The following LNPK variants were observed in gnomAD, a reference collection of about 807,000 sequenced individuals.
LNPK encodes the protein lunapark, ER junction formation factor.
LNPK carries 29 observed loss-of-function variants against 55.2 expected under a neutral mutation model. The ratio of observed to expected loss-of-function variants is 0.53; its 90% CI spans 0.39 to 0.72. The LOEUF is 0.72. Ranked by LOEUF, LNPK falls within the 30% of genes least tolerant of loss-of-function variation. LNPK has a pLI of 0.00. For synonymous variants in LNPK, 162 were observed against 168.2 expected, an observed-to-expected ratio of 0.96 and a Z score of 0.29; for missense variants, 467 against 494.8, an observed-to-expected ratio of 0.94 and a Z score of 0.53.
Position 175,924,378 on chromosome 2 carries a change from TAAG to T in LNPK, c.*5586_*5588del, listed in dbSNP as rs1368578488. 1 of 152,196 alleles carries T rather than the reference TAAG, an allele frequency of 6.6e-6. No homozygotes were observed. Among genetic ancestry groups the T allele is most frequent in the African/African-American group, 2.4e-5 (1 of 41,456 alleles). The allele number at this position is 152,196 out of a possible 1,614,324, so 9.4% of individuals were successfully genotyped here. On this transcript the variant is annotated 3_prime_UTR_variant, in exon 13 of 13. Transcript: ENST00000272748. ...CAGGTAATATTGTAAAGTAATATTG[TAAG>T]AAGAAAGTTTTAAGACGATTAAGTA... is the stretch of plus-strand genomic sequence containing the variant.
chr2:175,929,480 A>G lies in LNPK; in HGVS notation c.*487T>C, dbSNP rs1188760595. Reference sequence around the variant, plus strand: ...TAACAACTTTCATACCGCTTAATGTAAACACCTAAATAGACATTTCTCCCA... The same window carrying G: ...TAACAACTTTCATACCGCTTAATGTGAACACCTAAATAGACATTTCTCCCA... On this transcript the variant is annotated 3_prime_UTR_variant, in exon 13 of 13. Coordinates refer to ENST00000272748, the MANE Select transcript of LNPK (RefSeq NM_030650.3). 7 of 990,110 alleles carry G rather than the reference A, an allele frequency of 7.1e-6. No individual in the cohort carries two copies. The highest frequency in any genetic ancestry group is 8.4e-6 in the Non-Finnish European group (7 of 832,898). The allele number at this position is 990,110 out of a possible 1,614,324, so 61.3% of individuals were successfully genotyped here.
At chr2:175,933,644 C>T (rs900109346) in intron 12 of LNPK, among the ~76,000 whole-genome samples, 2 of 152,024 alleles carry the variant, frequency 1.3e-5, no homozygotes, top group South Asian at 4.2e-4. Context: ...TAAATTATAA[C>T]CACTCATAAT....
At chr2:175,971,397 G>A (rs1354875092) in intron 5 of LNPK, among the ~76,000 whole-genome samples, 2 of 152,074 alleles carry the variant, frequency 1.3e-5, no homozygotes, top group Non-Finnish European at 2.9e-5. Context: ...AATCACCTCA[G>A]AGGATATCTT....
intron 4 of LNPK, among the ~76,000 whole-genome samples, chr2:175,985,637 G>A (rs929706642): frequency 2.6e-5 from 4 of 152,030 alleles, no homozygotes; most frequent in African/African-American, 4.8e-5. Context: ...GACCCCCAGT[G>A]GATGCCTGAA....
chr2:175,951,993 T>C (rs535691203), intron 8 of LNPK, among the ~76,000 whole-genome samples: 2 of 152,152 alleles, frequency 1.3e-5, no homozygotes, highest in East Asian at 1.9e-4. Flanking sequence ...ATTAGTGATG[T>C]TGAGCATTTT....
At chr2:175,932,998 T>A (rs1309553540) in intron 12 of LNPK, among the ~76,000 whole-genome samples, 2 of 152,052 alleles carry the variant, frequency 1.3e-5, no homozygotes, top group Admixed American at 1.3e-4. Flanking sequence ...ATTACCTGAA[T>A]GACCTAATTC....
intron 8 of LNPK, among the ~76,000 whole-genome samples, chr2:175,952,310 A>C (rs1290025817): frequency 6.6e-6 from 1 of 151,956 alleles, no homozygotes; most frequent in African/African-American, 2.4e-5. Context: ...GCAAATGTGG[A>C]AACTCTTAGG....
chr2:175,981,972 T>C lies in LNPK; in HGVS notation c.258-2104A>G, dbSNP rs75495574. ...ACACTTTTTTTTAATATTGTGATGA[T>C]TTATTTTTGTGACATGAAAACACCA... On this transcript the variant is annotated intron_variant, in intron 4 of 12. Transcript: ENST00000272748. Among the ~76,000 whole-genome samples the C allele has an allele frequency of 5.6e-3, 849 of 152,292 alleles. 7 individuals carry two copies. Among genetic ancestry groups the C allele is most frequent in the African/African-American group, 0.017 (726 of 41,566 alleles).
At chr2:175,954,818 C>G (rs1434765659) in intron 8 of LNPK, among the ~76,000 whole-genome samples, 1 of 152,130 alleles carries the variant, frequency 6.6e-6, no homozygotes, top group South Asian at 2.1e-4. Flanking sequence ...TATTAAGCAA[C>G]CACTAAGAGT....
At chr2:175,946,675 CATT>C (rs1685137244) in intron 9 of LNPK, among the ~76,000 whole-genome samples, 1 of 151,992 alleles carries the variant, frequency 6.6e-6, no homozygotes, top group South Asian at 2.1e-4. Flanking sequence ...GCCTCAAAAT[CATT>C]ATTAATTATA....
At chr2:175,966,044 G>T (rs1035961807) in intron 6 of LNPK, among the ~76,000 whole-genome samples, 1 of 152,086 alleles carries the variant, frequency 6.6e-6, no homozygotes, top group Non-Finnish European at 1.5e-5. Flanking sequence ...TGTGCAACTG[G>T]GGAACTGAAT....
chr2:175,934,340 AAAGAG>A (rs1684436278), intron 12 of LNPK, among the ~76,000 whole-genome samples: 1 of 152,196 alleles, frequency 6.6e-6, no homozygotes, highest in Admixed American at 6.5e-5. Flanking sequence ...TGCATAAAAG[AAAGAG>A]AAGGACTAAA....
In LNPK at chr2:175,929,136, TCA is replaced by T. The variant is rs759482212; in HGVS notation, c.*829_*830del. ...AAATGAAACTGATGCCAGATTATTT[TCA>T]TTTTCCTTAATAAAATACAAACAAG... On this transcript the variant is annotated 3_prime_UTR_variant, in exon 13 of 13. Coordinates refer to ENST00000272748, the MANE Select transcript of LNPK (RefSeq NM_030650.3). 61 of 983,806 alleles carry T rather than the reference TCA, an allele frequency of 6.2e-5. No homozygotes were observed. Among genetic ancestry groups the T allele is most frequent in the Non-Finnish European group, 7.2e-5 (60 of 828,118 alleles). 60.9% of individuals were successfully genotyped at this position (983,806 alleles called of 1,614,324 possible).
At chr2:175,968,782 C>A (rs1240998681) in intron 6 of LNPK, among the ~76,000 whole-genome samples, 1 of 152,058 alleles carries the variant, frequency 6.6e-6, no homozygotes, top group Non-Finnish European at 1.5e-5. Context: ...AGGGATGCAT[C>A]CCCAAGGAAA....
chr2:175,953,593 AATT>A (rs1685528841), intron 8 of LNPK, among the ~76,000 whole-genome samples: 1 of 151,638 alleles, frequency 6.6e-6, no homozygotes, highest in Non-Finnish European at 1.5e-5. Context: ...TTCCAAATCT[AATT>A]GCCTGTATCA....
At position 175,947,671 on chromosome 2, in the gene LNPK, G is replaced by A; in HGVS notation, c.515C>T (p.Ala172Val). The change falls in exon 9 of 13, where the codon GCT becomes GTT. Residue 172 changes from alanine (A) to valine (V), a missense_variant. Coordinates refer to ENST00000272748, the MANE Select transcript of LNPK (RefSeq NM_030650.3). ...TGGTGTTGGAGAAAGGTTTCTTTGA[G>A]CTGCAGTTCGCTGACGAATCTCTGA... ...PGQEIRQRTAAQRNLSPTPAS... is the reference protein window; with the variant it reads ...PGQEIRQRTAVQRNLSPTPAS... 1.2e-6 allele frequency: 2 copies of A among 1,612,440 alleles called. No homozygotes were observed. Among genetic ancestry groups the A allele is most frequent in the Non-Finnish European group, 1.7e-6 (2 of 1,179,182 alleles).
intron 5 of LNPK, among the ~76,000 whole-genome samples, chr2:175,977,814 C>A (rs933834596): frequency 2.6e-5 from 4 of 151,748 alleles, no homozygotes; most frequent in Non-Finnish European, 5.9e-5. Context: ...TTGGTGGTAG[C>A]TTAAAGGAAA....
intron 1 of LNPK, among the ~76,000 whole-genome samples, chr2:175,998,457 A>T (rs1280984562): frequency 6.6e-6 from 1 of 151,810 alleles, no homozygotes; most frequent in Non-Finnish European, 1.5e-5. Context: ...AAAAAAAAAA[A>T]AAAGAAGAAA....
Position 175,930,183 on chromosome 2 carries a change from A to G in LNPK, c.1071T>C (p.Asp357=), listed in dbSNP as rs1007832644. The stretch of plus-strand genomic sequence containing the variant: ...TCTGCTCTGTATTATCATCAAGAAC[A>G]TCGTGTTCTAAAGATTCTGAAAAGA... The part of the protein sequence containing the change: ...NQFNEESLEH[D]VLDDNTEQTD... Residue 357 remains aspartate, a synonymous_variant, in exon 13 of 13, where the codon GAT becomes GAC. Coordinates refer to ENST00000272748, the MANE Select transcript of LNPK (RefSeq NM_030650.3). 9.3e-6 allele frequency: 15 copies of G among 1,612,834 alleles called. No homozygotes were observed. Among genetic ancestry groups the G allele is most frequent in the African/African-American group, 1.3e-5 (1 of 74,860 alleles).
Sources: allele counts gnomAD v4.1 joint callset (sites outside exome capture counted in the v4.1 genomes callset), GRCh38; gene constraint gnomAD v4.1.1; transcripts MANE v1.5; gene names NCBI Gene and HGNC (gene_info 2026-07-23, HGNC 2026-07-21).